Variants in VSTM4 observed in about 807,000 individuals in gnomAD.
VSTM4 encodes the protein V-set and transmembrane domain containing 4.
In VSTM4, 20 loss-of-function variants were observed where a neutral mutation model predicts 36.4. The ratio of observed to expected loss-of-function variants is 0.55; its 90% CI spans 0.39 to 0.80. VSTM4 has a LOEUF of 0.80. Among genes scored for constraint, VSTM4 ranks in the 30% least tolerant of loss-of-function variants. The pLI is 0.00. For synonymous variants in VSTM4, 182 were observed against 173.9 expected (o/e 1.05, Z -0.37); for missense variants, 392 against 404.5 (o/e 0.97, Z 0.26).
At chr10:49,041,745 G>A (rs953001516) in intron 7 of VSTM4, among the ~76,000 whole-genome samples, 8 of 152,180 alleles carry the variant, frequency 5.3e-5, no homozygotes, top group African/African-American at 1.9e-4. Context: ...ACACCTGAGG[G>A]ATATGGATCA....
chr10:49,029,172 T>C (rs188748373), intron 7 of VSTM4, among the ~76,000 whole-genome samples: 118 of 152,334 alleles, frequency 7.7e-4, no homozygotes, highest in African/African-American at 2.6e-3. Flanking sequence ...GCTGTGAAGC[T>C]TATCAGTCCT....
chr10:49,068,182 C>G (rs1355976118), intron 4 of VSTM4, among the ~76,000 whole-genome samples: 1 of 152,072 alleles, frequency 6.6e-6, no homozygotes, highest in African/African-American at 2.4e-5. Context: ...GGGCAGCTGG[C>G]GTCAGGGGTC....
At chr10:49,052,478 GC>G (rs1843713409) in intron 5 of VSTM4, among the ~76,000 whole-genome samples, 1 of 138,488 alleles carries the variant, frequency 7.2e-6, no homozygotes, top group Non-Finnish European at 1.6e-5. Flanking sequence ...CTTGATTTCT[GC>G]TCTTGATTTA....
intron 7 of VSTM4, among the ~76,000 whole-genome samples, chr10:49,022,881 T>G (rs560992901): frequency 6.6e-6 from 1 of 152,316 alleles, no homozygotes; most frequent in East Asian, 1.9e-4. Flanking sequence ...TCCATTACGT[T>G]TGGATATGAA....
intron 2 of VSTM4, among the ~76,000 whole-genome samples, chr10:49,096,704 G>A (rs531557160): frequency 4.7e-5 from 7 of 149,714 alleles, no homozygotes; most frequent in African/African-American, 1.8e-4. Context: ...GCCCAGGCTG[G>A]AGTACAATGA....
Position 49,091,104 on chromosome 10 carries a change from G to A in VSTM4, c.458-5081C>T, listed in dbSNP as rs985346465. 7.2e-5 allele frequency among the ~76,000 whole-genome samples: 11 copies of A among 152,234 alleles called. No individual in the cohort carries two copies. In the East Asian group the frequency reaches 9.6e-4, roughly 13 times the overall value. On this transcript the variant is annotated intron_variant, in intron 2 of 7. Coordinates refer to ENST00000332853, the MANE Select transcript of VSTM4 (RefSeq NM_001031746.5). ...CACCTATCTCAGTACAGCTGTTATCGGAACTAAAGTGGGTTTTTATATCTG... is the reference window on the plus strand; with the variant it reads ...CACCTATCTCAGTACAGCTGTTATCAGAACTAAAGTGGGTTTTTATATCTG...
At chr10:49,040,044 A>G (rs1843495474) in intron 7 of VSTM4, among the ~76,000 whole-genome samples, 1 of 152,280 alleles carries the variant, frequency 6.6e-6, no homozygotes, top group East Asian at 1.9e-4. Flanking sequence ...GCTTCAAGGG[A>G]TGCTTGGGCC....
At chr10:49,025,738 C>T (rs1286806719) in intron 7 of VSTM4, among the ~76,000 whole-genome samples, 4 of 152,238 alleles carry the variant, frequency 2.6e-5, no homozygotes, top group Non-Finnish European at 4.4e-5. Context: ...ACCTGGCTAC[C>T]AAGTGACCGG....
intron 4 of VSTM4, among the ~76,000 whole-genome samples, chr10:49,071,421 C>T (rs1201252636): frequency 2.0e-5 from 3 of 152,244 alleles, no homozygotes; most frequent in East Asian, 1.9e-4. Flanking sequence ...AGGTGCCTGG[C>T]ACTGCGGGCA....
At chr10:49,070,750 C>T (rs1386108720) in intron 4 of VSTM4, among the ~76,000 whole-genome samples, 1 of 152,228 alleles carries the variant, frequency 6.6e-6, no homozygotes. Context: ...CCAACCCCCA[C>T]AAAGGAAAGA....
chr10:49,105,159 AAGAG>A (rs58965887), intron 2 of VSTM4, among the ~76,000 whole-genome samples: 7,343 of 135,102 alleles, frequency 0.054, 206 homozygotes, highest in Middle Eastern at 0.14. Flanking sequence ...CCAAAAGACA[AAGAG>A]AGAGACAGAA....
chr10:49,095,574 G>C (rs1336356237), intron 2 of VSTM4, among the ~76,000 whole-genome samples: 1 of 152,060 alleles, frequency 6.6e-6, no homozygotes, highest in Admixed American at 6.5e-5. Flanking sequence ...CAACACTTTT[G>C]AGCAGGCTGT....
intron 5 of VSTM4, 22 bp downstream of exon 5, chr10:49,064,681 A>T: frequency 6.2e-7 from 1 of 1,603,302 alleles, no homozygotes; most frequent in Non-Finnish European, 8.5e-7. Context: ...TTCATCTGAA[A>T]AAAGGAAGAA....
intron 7 of VSTM4, among the ~76,000 whole-genome samples, chr10:49,046,721 A>T (rs1158465366): frequency 6.6e-6 from 1 of 152,200 alleles, no homozygotes; most frequent in African/African-American, 2.4e-5. Context: ...TATTTTATAA[A>T]TTTCTGAGTA....
At chr10:49,039,018 C>T (rs1843476890) in intron 7 of VSTM4, among the ~76,000 whole-genome samples, 2 of 152,118 alleles carry the variant, frequency 1.3e-5, no homozygotes. Context: ...CATGAGGGGG[C>T]ATCCAGGACA....
At chr10:49,073,255 C>T (rs2131987559) in intron 4 of VSTM4, among the ~76,000 whole-genome samples, 1 of 152,306 alleles carries the variant, frequency 6.6e-6, no homozygotes, top group East Asian at 1.9e-4. Context: ...TGGGCACCAT[C>T]TAGGGGAGGG....
intron 2 of VSTM4, among the ~76,000 whole-genome samples, chr10:49,106,429 G>A (rs61848383): frequency 4.7e-4 from 71 of 152,314 alleles, no homozygotes; most frequent in Admixed American, 1.0e-3. Context: ...GTGTCTTCCC[G>A]AATAGAAACA....
At position 49,085,209 on chromosome 10, in the gene VSTM4, C is replaced by T. The variant is rs866381000; in HGVS notation, c.526+746G>A. ...AACAAGCTCCCAGGTGATGCATATG[C>T]TGCCGGTCTGCAATCACACTTTGGG... is the stretch of plus-strand genomic sequence containing the variant. On this transcript the variant is annotated intron_variant, in intron 3 of 7. Transcript: ENST00000332853. Among the ~76,000 whole-genome samples, 2 of 152,260 alleles carry T rather than the reference C, an allele frequency of 1.3e-5. 1 individual carries two copies. Among genetic ancestry groups the T allele is most frequent in the South Asian group, 4.1e-4 (2 of 4,838 alleles).
At chr10:49,039,432 G>A (rs1440249457) in intron 7 of VSTM4, among the ~76,000 whole-genome samples, 2 of 152,136 alleles carry the variant, frequency 1.3e-5, no homozygotes, top group Admixed American at 6.5e-5. Context: ...CGGTAGCCAC[G>A]CAGAGGATGG....
Sources: gnomAD v4.1 joint callset for allele counts (sites outside exome capture counted in the v4.1 genomes callset) on GRCh38, gnomAD v4.1.1 for gene constraint, MANE v1.5 for transcripts, NCBI Gene and HGNC (gene_info 2026-07-23, HGNC 2026-07-21) for gene names.